Variants in KRAS observed in about 807,000 individuals in gnomAD.
KRAS encodes GTPase KRas.
KRAS carries 1 observed loss-of-function variant against 21.0 expected under a neutral mutation model. The ratio of observed to expected loss-of-function variants is 0.05; its 90% CI spans 0.02 to 0.23. The LOEUF (loss-of-function observed/expected upper bound fraction) is 0.23. Ranked by LOEUF, KRAS falls within the 10% of genes least tolerant of loss-of-function variation. The pLI is 1.00. For synonymous variants in KRAS, 67 were observed against 72.5 expected (o/e 0.92, Z 0.39); for missense variants, 107 against 221.8 (o/e 0.48, Z 3.29).
At chr12:25,216,164 G>A (rs1951252776) in intron 4 of KRAS, among the ~76,000 whole-genome samples, 1 of 152,166 alleles carries the variant, frequency 6.6e-6, no homozygotes, top group East Asian at 1.9e-4. Context: ...TTCTGTACAT[G>A]TTTAATTACA....
At chr12:25,246,733 G>A (rs984502578) in intron 1 of KRAS, among the ~76,000 whole-genome samples, 1 of 151,792 alleles carries the variant, frequency 6.6e-6, no homozygotes, top group Non-Finnish European at 1.5e-5. Context: ...TGGCTAACCC[G>A]GTGAAACCCC....
In KRAS at chr12:25,211,057, T is replaced by A. The variant is rs1194025204; in HGVS notation, c.451-1146A>T. 4 of 152,050 alleles carry A rather than the reference T, an allele frequency of 2.6e-5. No homozygotes were observed. The East Asian group carries it at 7.7e-4, about 29-fold the overall frequency. The allele number at this position is 152,050 out of a possible 1,614,324, so 9.4% of individuals were successfully genotyped here. A position where few individuals can be genotyped will look rare whatever the true frequency, so the allele number is the denominator to read the frequency against. On this transcript the variant is annotated intron_variant, in intron 4 of 4. Coordinates refer to ENST00000311936, the MANE Select transcript of KRAS (RefSeq NM_004985.5). ...CTGAGTAGTAACTATAAAAAGAAAA[T>A]CTGTTAACCTCACAATACTTCCAAA...
In KRAS at chr12:25,227,374, G is replaced by C. The variant is rs774909024; in HGVS notation, c.150C>G (p.Thr50=). ...YRKQVVIDGE[T]CLLDILDTAG... is the part of the protein sequence containing the mutation. ...CTGTGTCGAGAATATCCAAGAGACA[G>C]GTTTCTCCATCAATTACTACTTGCT... is the stretch of plus-strand genomic sequence containing the variant. Residue 50 remains threonine, a synonymous_variant, in exon 3 of 5, where the codon ACC becomes ACG. Coordinates refer to ENST00000311936, the MANE Select transcript of KRAS (RefSeq NM_004985.5). The C allele has an allele frequency of 5.6e-6, 9 of 1,613,934 alleles. No homozygotes were observed. Among genetic ancestry groups the C allele is most frequent in the South Asian group, 5.5e-5 (5 of 91,082 alleles).
chr12:25,207,386 C>T lies in KRAS; in HGVS notation c.*2409G>A, dbSNP rs1482129081. 3 of 187,256 alleles carry T rather than the reference C, an allele frequency of 1.6e-5. No homozygotes were observed. Among genetic ancestry groups the T allele is most frequent in the Non-Finnish European group, 1.1e-5 (1 of 88,922 alleles). 11.6% of individuals were successfully genotyped at this position (187,256 alleles called of 1,614,324 possible). On this transcript the variant is annotated 3_prime_UTR_variant, in exon 5 of 5. Coordinates refer to ENST00000311936, the MANE Select transcript of KRAS (RefSeq NM_004985.5). ...AAAATTAGTTGAGTGTAGTGGCACA[C>T]GCCTGTAATCCCAGCTACTCAGGAG...
chr12:25,214,902 C>G (rs1271628332), intron 4 of KRAS, among the ~76,000 whole-genome samples: 2 of 151,952 alleles, frequency 1.3e-5, no homozygotes, highest in Non-Finnish European at 1.5e-5. Context: ...CCTAAAATTC[C>G]CAGGTTTCTC....
intron 4 of KRAS, among the ~76,000 whole-genome samples, chr12:25,210,330 T>C (rs907866396): frequency 6.6e-6 from 1 of 152,182 alleles, no homozygotes; most frequent in South Asian, 2.1e-4. Flanking sequence ...TATGTTCATA[T>C]ATCTTCACAC....
At chr12:25,226,378 C>A (rs1202680614) in intron 3 of KRAS, among the ~76,000 whole-genome samples, 4 of 152,072 alleles carry the variant, frequency 2.6e-5, no homozygotes, top group African/African-American at 9.7e-5. Context: ...AGACACAGCA[C>A]AAAAGAAGGA....
chr12:25,237,819 C>T (rs1951562612), intron 2 of KRAS, among the ~76,000 whole-genome samples: 1 of 152,072 alleles, frequency 6.6e-6, no homozygotes, highest in South Asian at 2.1e-4. Flanking sequence ...ACACGCAGGC[C>T]AAAAAGTAGG....
Position 25,233,866 on chromosome 12 carries a change from T to C in KRAS, c.112-6454A>G, listed in dbSNP as rs893004768. On this transcript the variant is annotated intron_variant, in intron 2 of 4. Transcript: ENST00000311936. ...ACTAAAAAATGAATGGAAATTTTATTAGAATTAAGCAGTTAACATAAATAC... is the reference window on the plus strand; with the variant it reads ...ACTAAAAAATGAATGGAAATTTTATCAGAATTAAGCAGTTAACATAAATAC... 1.6e-5 allele frequency: 3 copies of C among 192,410 alleles called. No individual in the cohort carries two copies. The East Asian group carries it at 2.5e-4, about 16-fold the overall frequency. The allele number at this position is 192,410 out of a possible 1,614,324, so 11.9% of individuals were successfully genotyped here.
At chr12:25,212,862 A>G (rs1020391727) in intron 4 of KRAS, among the ~76,000 whole-genome samples, 44 of 152,064 alleles carry the variant, frequency 2.9e-4, no homozygotes, top group Non-Finnish European at 5.6e-4. Flanking sequence ...TTCTGGCATT[A>G]TAAGTGTGAG....
At chr12:25,215,444 C>T (rs1951243078) in intron 4 of KRAS, 3 of 1,612,972 alleles carry the variant, frequency 1.9e-6, no homozygotes, top group Admixed American at 1.7e-5. Context: ...TACCAGATTA[C>T]ATTATAATGC....
chr12:25,235,903 T>C (rs1951538856), intron 2 of KRAS, among the ~76,000 whole-genome samples: 1 of 152,114 alleles, frequency 6.6e-6, no homozygotes, highest in Non-Finnish European at 1.5e-5. Flanking sequence ...TAGATTCTCC[T>C]AAGGAGTATG....
In KRAS at chr12:25,209,769, C is replaced by T. The variant is rs2141481420; in HGVS notation, c.*26G>A. On this transcript the variant is annotated 3_prime_UTR_variant, in exon 5 of 5. Transcript: ENST00000311936. ...AAAAATTACCACTTGTACTAGTATG[C>T]CTTAAGAAAAAAGTACAAATTGTAT... 6.2e-7 allele frequency: 1 copy of T among 1,604,322 alleles called. No individual in the cohort carries two copies. Among genetic ancestry groups the T allele is most frequent in the Admixed American group, 1.7e-5 (1 of 59,556 alleles).
At chr12:25,216,769 T>C (rs11047898) in intron 4 of KRAS, among the ~76,000 whole-genome samples, 11,974 of 152,200 alleles carry the variant, frequency 0.079, 1,404 homozygotes, top group African/African-American at 0.26. Context: ...AATTAGGCAG[T>C]CATCAAACGG....
chr12:25,246,543 G>T (rs984448845), intron 1 of KRAS, among the ~76,000 whole-genome samples: 1 of 152,032 alleles, frequency 6.6e-6, no homozygotes, highest in Non-Finnish European at 1.5e-5. Flanking sequence ...GGGTGACGGA[G>T]TAAGACTCCA....
Position 25,227,426 on chromosome 12 carries a change from A to T in KRAS, c.112-14T>A. 6.2e-7 allele frequency: 1 copy of T among 1,613,198 alleles called. No individual in the cohort carries two copies. The highest frequency in any genetic ancestry group is 1.1e-5 in the South Asian group (1 of 91,010). On this transcript the variant is annotated splice_polypyrimidine_tract_variant and intron_variant, in intron 2 of 4. Coordinates refer to ENST00000311936, the MANE Select transcript of KRAS (RefSeq NM_004985.5). ...CCTGTAGGAATCCTGAGAAGGGAGA[A>T]ACACAGTCTGGATTATTACAGTGCA...
intron 2 of KRAS, among the ~76,000 whole-genome samples, chr12:25,241,318 C>T (rs1265417791): frequency 1.3e-5 from 2 of 152,138 alleles, no homozygotes; most frequent in African/African-American, 2.4e-5. Flanking sequence ...AGCGAAACTA[C>T]ACAAACTTAG....
chr12:25,238,771 T>C (rs537227880), intron 2 of KRAS, among the ~76,000 whole-genome samples: 1 of 152,364 alleles, frequency 6.6e-6, no homozygotes, highest in Admixed American at 6.5e-5. Flanking sequence ...TTTGTATATA[T>C]GGACATACCA....
intron 4 of KRAS, 158 bp downstream of exon 4, chr12:25,225,456 G>A (rs1951380472): frequency 4.2e-6 from 3 of 716,724 alleles, no homozygotes; most frequent in Non-Finnish European, 7.0e-6. Flanking sequence ...CATGGACACT[G>A]GATTAAGAAG....
Sources: gnomAD v4.1 joint callset for allele counts (sites outside exome capture counted in the v4.1 genomes callset) on GRCh38, gnomAD v4.1.1 for gene constraint, MANE v1.5 for transcripts, NCBI Gene and HGNC (gene_info 2026-07-23, HGNC 2026-07-21) for gene names.